The following IGHMBP2 variants were observed in gnomAD, a reference collection of about 807,000 sequenced individuals.
The protein encoded by IGHMBP2 is DNA-binding protein SMUBP-2.
Under a neutral mutation model 96.0 loss-of-function variants are expected in IGHMBP2, and 81 were observed. The ratio of observed to expected loss-of-function variants is 0.84; its 90% CI spans 0.71 to 1.01. IGHMBP2 has a LOEUF of 1.01. Among genes scored for constraint, IGHMBP2 ranks in the 50% least tolerant of loss-of-function variants. IGHMBP2 has a pLI of 0.00. For synonymous variants in IGHMBP2, 557 were observed against 548.9 expected (o/e 1.01, Z -0.21); for missense variants, 1,227 against 1,306.3 (o/e 0.94, Z 0.94).
chr11:68,907,372 A>G (rs778448906), intron 2 of IGHMBP2, among the ~76,000 whole-genome samples: 12 of 152,062 alleles, frequency 7.9e-5, no homozygotes, highest in South Asian at 2.1e-4. Flanking sequence ...TGTATTCCCA[A>G]CCCTTTCTTG....
chr11:68,922,999 GTT>G (rs1232513060), intron 7 of IGHMBP2, among the ~76,000 whole-genome samples: 1 of 151,950 alleles, frequency 6.6e-6, no homozygotes, highest in Non-Finnish European at 1.5e-5. Flanking sequence ...TATAATAACT[GTT>G]TTGAATATTC....
At chr11:68,916,218 C>T (rs184519112) in intron 6 of IGHMBP2, among the ~76,000 whole-genome samples, 1 of 152,198 alleles carries the variant, frequency 6.6e-6, no homozygotes, top group African/African-American at 2.4e-5. Context: ...CTGTCTGGTC[C>T]TGTTGTCTTG....
intron 4 of IGHMBP2, among the ~76,000 whole-genome samples, chr11:68,909,669 C>G (rs1858354810): frequency 6.7e-6 from 1 of 150,246 alleles, no homozygotes; most frequent in Admixed American, 6.6e-5. Context: ...GCTCTGTCAC[C>G]AAGAGTGGGG....
intron 7 of IGHMBP2, among the ~76,000 whole-genome samples, chr11:68,927,844 C>A (rs1299600089): frequency 6.6e-6 from 1 of 152,184 alleles, no homozygotes; most frequent in Non-Finnish European, 1.5e-5. Context: ...CAACCCTGTT[C>A]TGCACCCCCC....
intron 6 of IGHMBP2, among the ~76,000 whole-genome samples, 188 bp downstream of exon 6, chr11:68,915,211 C>A (rs570559957): frequency 3.2e-4 from 19 of 58,550 alleles, no homozygotes; most frequent in African/African-American, 1.2e-3. Context: ...CAGAGTTTTG[C>A]TCTCATTGCT....
At chr11:68,930,780 G>A (rs951995553) in intron 8 of IGHMBP2, among the ~76,000 whole-genome samples, 5 of 152,086 alleles carry the variant, frequency 3.3e-5, no homozygotes, top group East Asian at 1.9e-4. Flanking sequence ...GTCATCCGTC[G>A]AGTGTTCAGC....
At chr11:68,937,999 T>C (rs1291392703) in intron 13 of IGHMBP2, 183 bp from the exon 14 acceptor site, 1 of 674,354 alleles carries the variant, frequency 1.5e-6, no homozygotes, top group Non-Finnish European at 2.7e-6. Context: ...TCTCACTCTG[T>C]CACTATGTTG....
intron 4 of IGHMBP2, among the ~76,000 whole-genome samples, chr11:68,908,997 C>T (rs894438709): frequency 2.6e-5 from 4 of 151,550 alleles, no homozygotes; most frequent in East Asian, 3.9e-4. Context: ...TGCACCACCA[C>T]GCCTGGCTAA....
Position 68,915,945 on chromosome 11 carries a change from G to A in IGHMBP2, c.912+922G>A, listed in dbSNP as rs144587983. On this transcript the variant is annotated intron_variant, in intron 6 of 14. Transcript: ENST00000255078. The stretch of plus-strand genomic sequence containing the variant: ...TCCCAGCACTTTGGGAGGCCGAGGT[G>A]GGCGGAACAGTTGAGGTCAGGAGTT... Among the ~76,000 whole-genome samples, 105 of 152,018 alleles carry A rather than the reference G, an allele frequency of 6.9e-4. 1 individual carries two copies. Among genetic ancestry groups the A allele is most frequent in the African/African-American group, 2.4e-3 (100 of 41,492 alleles).
At chr11:68,911,708 C>A in intron 5 of IGHMBP2, 105 bp downstream of exon 5, 1 of 1,039,154 alleles carries the variant, frequency 9.6e-7, no homozygotes, top group Non-Finnish European at 1.5e-6. Context: ...TGGGATGGGT[C>A]AGGAACATTA....
intron 10 of IGHMBP2, chr11:68,934,225 G>A (rs529731665): frequency 3.8e-5 from 24 of 627,724 alleles, no homozygotes; most frequent in South Asian, 1.6e-4. Flanking sequence ...CCAGTTCCAC[G>A]TTGAACAGGA....
intron 5 of IGHMBP2, among the ~76,000 whole-genome samples, chr11:68,912,256 C>T (rs535093849): frequency 5.3e-4 from 80 of 152,252 alleles, no homozygotes; most frequent in African/African-American, 1.5e-3. Flanking sequence ...CTCAGCCTCC[C>T]GAACAGCTGG....
At chr11:68,907,608 TAGCCCA>T (rs1468971899) in intron 2 of IGHMBP2, among the ~76,000 whole-genome samples, 1 of 152,200 alleles carries the variant, frequency 6.6e-6, no homozygotes, top group East Asian at 1.9e-4. Context: ...TCGTAGACTT[TAGCCCA>T]ACAATTACTG....
intron 8 of IGHMBP2, among the ~76,000 whole-genome samples, chr11:68,931,560 G>T (rs1466598424): frequency 1.3e-5 from 2 of 152,182 alleles, no homozygotes; most frequent in Admixed American, 6.5e-5. Flanking sequence ...TGGGTCTGTA[G>T]CTGTGACCCT....
chr11:68,911,364 G>A (rs1445982745), intron 4 of IGHMBP2, 76 bp from the exon 5 acceptor site: 7 of 1,478,766 alleles, frequency 4.7e-6, no homozygotes, highest in Non-Finnish European at 9.4e-7. Context: ...ATCCCCCGGG[G>A]CACACACTCT....
At chr11:68,923,195 TTTTTGTTTTTTTG>T (rs1392868641) in intron 7 of IGHMBP2, among the ~76,000 whole-genome samples, 3 of 152,084 alleles carry the variant, frequency 2.0e-5, no homozygotes, top group Non-Finnish European at 4.4e-5. Flanking sequence ...ATAATCTTTT[TTTTTGTTTTTTTG>T]TTTTGTTTTT....
chr11:68,929,401 C>G, intron 8 of IGHMBP2, 44 bp downstream of exon 8: 1 of 1,568,890 alleles, frequency 6.4e-7, no homozygotes, highest in Non-Finnish European at 8.7e-7. Context: ...CCCCCGCCCT[C>G]CTGCGGTCCT....
chr11:68,935,155 G>A, intron 11 of IGHMBP2, 144 bp from the exon 12 acceptor site: 2 of 1,050,116 alleles, frequency 1.9e-6, no homozygotes, highest in Non-Finnish European at 2.8e-6. Flanking sequence ...CGAACGGGAA[G>A]CCTTTCCCCA....
In IGHMBP2 at chr11:68,938,250, G is replaced by A; in HGVS notation, c.2680G>A (p.Asp894Asn). 6.2e-7 allele frequency: 1 copy of A among 1,614,074 alleles called. No homozygotes were observed. Among genetic ancestry groups the A allele is most frequent in the Non-Finnish European group, 8.5e-7 (1 of 1,180,036 alleles). ...EALVSAAVKA[D>N]NTCGFAKCTA... is the part of the protein sequence containing the mutation. ...CCTGGTTTCTGCCGCCGTTAAGGCT[G>A]ATAACACCTGCGGCTTTGCCAAGTG... The change falls in exon 14 of 15, where the codon GAT (aspartate) becomes AAT (asparagine). Residue 894 changes from aspartate (D) to asparagine (N), a missense_variant. Transcript: ENST00000255078.
Sources: gnomAD v4.1 joint callset for allele counts (sites outside exome capture counted in the v4.1 genomes callset) on GRCh38, gnomAD v4.1.1 for gene constraint, MANE v1.5 for transcripts, NCBI Gene and HGNC (gene_info 2026-07-23, HGNC 2026-07-21) for gene names.